The following CNOT3 variants were observed in gnomAD, a reference collection of about 807,000 sequenced individuals.
The protein encoded by CNOT3 is CCR4-associated factor 3.
A neutral mutation model predicts 89.4 loss-of-function variants in CNOT3; 2 were observed. The ratio of observed to expected loss-of-function variants is 0.02; its 90% CI spans 0.01 to 0.07. The LOEUF (loss-of-function observed/expected upper bound fraction) is 0.07. Ranked by LOEUF, CNOT3 falls within the 10% of genes least tolerant of loss-of-function variation. CNOT3 has a pLI of 1.00. For missense variants in CNOT3, 664 were observed against 1,010.2 expected, an observed-to-expected ratio of 0.66 and a Z score of 4.65; for synonymous variants, 486 against 402.0, an observed-to-expected ratio of 1.21 and a Z score of -2.50.
Position 54,148,082 on chromosome 19 carries a change from G to T in CNOT3, c.895-66G>T. 1.6e-6 allele frequency: 2 copies of T among 1,248,970 alleles called. No homozygotes were observed. Among genetic ancestry groups the T allele is most frequent in the South Asian group, 3.7e-5 (2 of 53,722 alleles). The allele number at this position is 1,248,970 out of a possible 1,614,324, so 77.4% of individuals were successfully genotyped here. ...TGCTGGGACAAAGATGGAGCCTGAG[G>T]TGGGGGTGGTGAGGGAGACCAGCTG... On this transcript the variant is annotated intron_variant, in intron 10 of 17. Transcript: ENST00000221232. This position sits in a 1 kb window ranked among gnomAD's most constrained non-coding sequence, Gnocchi z 6.3.
chr19:54,150,915 T>C (rs2075059360), intron 13 of CNOT3, among the ~76,000 whole-genome samples: 1 of 151,966 alleles, frequency 6.6e-6, no homozygotes. Flanking sequence ...CGCAGCCTAC[T>C]GAGTAGCTGG....
chr19:54,155,176 T>C (rs977092298), intron 17 of CNOT3, 133 bp from the exon 18 acceptor site: 29 of 942,958 alleles, frequency 3.1e-5, no homozygotes, highest in East Asian at 5.5e-5. Context: ...GATGAGAGTG[T>C]GTGCGTGCAG....
chr19:54,154,502 G>T, intron 17 of CNOT3: 1 of 179,316 alleles, frequency 5.6e-6, no homozygotes, highest in African/African-American at 2.4e-5. Context: ...GTACTTAATG[G>T]TGACTGCTAC....
Position 54,142,920 on chromosome 19 carries a change from T to G in CNOT3, c.-50-9T>G, listed in dbSNP as rs111692608. 1.4e-5 allele frequency: 22 copies of G among 1,570,668 alleles called. 1 individual carries two copies. In the African/African-American group the frequency reaches 1.8e-4, roughly 13 times the overall value. ...TACGTGTTAATTCCTCTCCAATCTC[T>G]CCTAGCAGCGTCCGTCTCCAAGAGA... is the stretch of plus-strand genomic sequence containing the variant. On this transcript the variant is annotated splice_polypyrimidine_tract_variant and intron_variant, in intron 1 of 17. Transcript: ENST00000221232.
rs1018080514 is a variant in CNOT3, at chr19:54,152,851, C to T, written c.1905-16C>T. ...CTAGTAGGCAGCTGGCACTGACCTT[C>T]CTGTTGCTCTCACAGGCAGTACCTC... On this transcript the variant is annotated splice_polypyrimidine_tract_variant and intron_variant, in intron 15 of 17. Coordinates refer to ENST00000221232, the MANE Select transcript of CNOT3 (RefSeq NM_014516.4). 4 of 1,311,476 alleles carry T rather than the reference C, an allele frequency of 3.1e-6. No homozygotes were observed. Among genetic ancestry groups the T allele is most frequent in the Middle Eastern group, 4.0e-4 (2 of 5,030 alleles). 81.2% of individuals were successfully genotyped at this position (1,311,476 alleles called of 1,614,324 possible).
At position 54,148,116 on chromosome 19, in the gene CNOT3, G is replaced by A. The variant is rs1043157433; in HGVS notation, c.895-32G>A. On this transcript the variant is annotated intron_variant, in intron 10 of 17. Coordinates refer to ENST00000221232, the MANE Select transcript of CNOT3 (RefSeq NM_014516.4). The surrounding 1 kb of genome is among the most constrained non-coding windows in gnomAD (Gnocchi z 6.3). ...GTGAGGGAGACCAGCTGGCCCACTG[G>A]GTCCTGACCCTCTGCTCTCTCCCAC... The A allele has an allele frequency of 3.6e-6, 5 of 1,396,238 alleles. No homozygotes were observed. In the East Asian group the frequency reaches 1.1e-4, roughly 32 times the overall value. 86.5% of individuals were successfully genotyped at this position (1,396,238 alleles called of 1,614,324 possible).
At chr19:54,147,235 G>T (rs887780290) in intron 10 of CNOT3, among the ~76,000 whole-genome samples, 1 of 152,250 alleles carries the variant, frequency 6.6e-6, no homozygotes, top group African/African-American at 2.4e-5. Context: ...CACGCTTTCG[G>T]AAACGCTGCT....
intron 1 of CNOT3, among the ~76,000 whole-genome samples, chr19:54,141,024 A>G (rs1358610459): frequency 1.3e-5 from 2 of 152,030 alleles, no homozygotes. Context: ...AGGGAGTGTA[A>G]ACTCTCGTTT....
At position 54,148,229 on chromosome 19, in the gene CNOT3, G is replaced by A. The variant is rs587645855; in HGVS notation, c.976G>A (p.Gly326Ser). 16 of 1,597,050 alleles carry A rather than the reference G, an allele frequency of 1.0e-5. No homozygotes were observed. The highest frequency in any genetic ancestry group is 4.5e-5 in the East Asian group (2 of 44,062). Reference sequence around the variant, plus strand: ...AGCTGTGCCGCCCACCTACCCCTCCGGCCCCCCGCCTGCTGCCTCTGCCTT... The same window carrying A: ...AGCTGTGCCGCCCACCTACCCCTCCAGCCCCCCGCCTGCTGCCTCTGCCTT... ...SPAVPPTYPSGPPPAASALST... is the reference protein window; with the variant it reads ...SPAVPPTYPSSPPPAASALST... Residue 326 changes from glycine (G) to serine (S), a missense_variant, in exon 11 of 18, where the codon GGC becomes AGC. Physicochemically the swap from Gly to Ser is moderately conservative, Grantham distance 56 (BLOSUM62 0). This residue lies in a region of CNOT3 where 545 missense variants were observed against 566.2 expected (regional missense o/e 0.96). Transcript: ENST00000221232. The surrounding 1 kb of genome is among the most constrained non-coding windows in gnomAD (Gnocchi z 6.3).
chr19:54,145,656 G>A lies in CNOT3; in HGVS notation c.542G>A (p.Arg181His), dbSNP rs1012509242. The A allele has an allele frequency of 8.1e-6, 13 of 1,613,692 alleles. No homozygotes were observed. The highest frequency in any genetic ancestry group is 1.0e-5 in the Non-Finnish European group (12 of 1,179,754). ...ATCGAGAAGCACCGCTACCACGTGC[G>A]CATGCTAGAGACCATCCTGCGCATG... is the stretch of plus-strand genomic sequence containing the variant. ...RHIEKHRYHVRMLETILRMLD... is the reference protein window; with the variant it reads ...RHIEKHRYHVHMLETILRMLD... Residue 181 changes from arginine to histidine, a missense_variant, in exon 8 of 18, where the codon CGC becomes CAC. Coordinates refer to ENST00000221232, the MANE Select transcript of CNOT3 (RefSeq NM_014516.4). The surrounding 1 kb of genome is among the most constrained non-coding windows in gnomAD (Gnocchi z 5.9).
chr19:54,144,203 G>T lies in CNOT3; in HGVS notation c.388-34G>T, dbSNP rs1476253123. ...AGCCCTGGGTGTAGGCGGAACCCTA[G>T]CTGATGGGCTTCCTCTTCCTCTCCC... On this transcript the variant is annotated intron_variant, in intron 6 of 17. Coordinates refer to ENST00000221232, the MANE Select transcript of CNOT3 (RefSeq NM_014516.4). The surrounding 1 kb of genome is among the most constrained non-coding windows in gnomAD (Gnocchi z 4.8). 1 of 1,613,360 alleles carries T rather than the reference G, an allele frequency of 6.2e-7. No homozygotes were observed. The highest frequency in any genetic ancestry group is 1.3e-5 in the African/African-American group (1 of 74,850).
chr19:54,153,010 G>GC lies in CNOT3; in HGVS notation c.2037+16dup. 2 of 1,598,094 alleles carry GC rather than the reference G, an allele frequency of 1.3e-6. No individual in the cohort carries two copies. The highest frequency in any genetic ancestry group is 1.7e-6 in the Non-Finnish European group (2 of 1,168,596). ...TTCTACTATCTGGAGGTACAGCAGG[G>GC]CCCCCGGGGCAGCCTCGGGCCCCCC... On this transcript the variant is annotated intron_variant, in intron 16 of 17. Coordinates refer to ENST00000221232, the MANE Select transcript of CNOT3 (RefSeq NM_014516.4).
At position 54,145,530 on chromosome 19, in the gene CNOT3, C is replaced by G. The variant is rs1224037446; in HGVS notation, c.484-68C>G. The G allele has an allele frequency of 9.2e-7, 1 of 1,090,570 alleles. No individual in the cohort carries two copies. The highest frequency in any genetic ancestry group is 1.4e-6 in the Non-Finnish European group (1 of 716,768). 67.6% of individuals were successfully genotyped at this position (1,090,570 alleles called of 1,614,324 possible). On this transcript the variant is annotated intron_variant, in intron 7 of 17. Coordinates refer to ENST00000221232, the MANE Select transcript of CNOT3 (RefSeq NM_014516.4). This position sits in a 1 kb window ranked among gnomAD's most constrained non-coding sequence, Gnocchi z 5.9. The stretch of plus-strand genomic sequence containing the variant: ...AGGGGTCAGGGACTGAGGACAGGTT[C>G]TGTGGGGGCAGGAGGGGCCAAGCAG...
intron 16 of CNOT3, 25 bp from the exon 17 acceptor site, chr19:54,153,690 C>T (rs1457137205): frequency 6.2e-7 from 1 of 1,609,636 alleles, no homozygotes; most frequent in Non-Finnish European, 8.5e-7. Flanking sequence ...CCCCCTGATC[C>T]CCCTCTCCAC....
rs2146587630 is a variant in CNOT3 at position 54,145,084 on chromosome 19, G to A, written c.484-514G>A. Among the ~76,000 whole-genome samples, 1 of 152,232 alleles carries A rather than the reference G, an allele frequency of 6.6e-6. No homozygotes were observed. On this transcript the variant is annotated intron_variant, in intron 7 of 17. Coordinates refer to ENST00000221232, the MANE Select transcript of CNOT3 (RefSeq NM_014516.4). This position sits in a 1 kb window ranked among gnomAD's most constrained non-coding sequence, Gnocchi z 5.9. ...GGGGCCTTGAGGGGAGGGCAGGAGC[G>A]AGGCTTAGGAATCTGGGCTCTCTCA... is the stretch of plus-strand genomic sequence containing the variant.
At position 54,144,831 on chromosome 19, in the gene CNOT3, A is replaced by G. The variant is rs1399303277; in HGVS notation, c.483+499A>G. On this transcript the variant is annotated intron_variant, in intron 7 of 17. Transcript: ENST00000221232. The surrounding 1 kb of genome is among the most constrained non-coding windows in gnomAD (Gnocchi z 4.8). ...GTTCTAAAATCCGGGATTGTGGGGT[A>G]TGAGTTCAAAGGGATACAAACTGTA... 6.6e-6 allele frequency among the ~76,000 whole-genome samples: 1 copy of G among 152,120 alleles called. No homozygotes were observed. Among genetic ancestry groups the G allele is most frequent in the African/African-American group, 2.4e-5 (1 of 41,404 alleles).
Position 54,145,536 on chromosome 19 carries a change from G to A in CNOT3, c.484-62G>A. 8.7e-7 allele frequency: 1 copy of A among 1,147,990 alleles called. No individual in the cohort carries two copies. The highest frequency in any genetic ancestry group is 1.3e-6 in the Non-Finnish European group (1 of 766,620). The allele number at this position is 1,147,990 out of a possible 1,614,324, so 71.1% of individuals were successfully genotyped here. A position where few individuals can be genotyped will look rare whatever the true frequency, so the allele number is the denominator to read the frequency against. ...CAGGGACTGAGGACAGGTTCTGTGG[G>A]GGCAGGAGGGGCCAAGCAGGTGCTC... On this transcript the variant is annotated intron_variant, in intron 7 of 17. Coordinates refer to ENST00000221232, the MANE Select transcript of CNOT3 (RefSeq NM_014516.4). The surrounding 1 kb of genome is among the most constrained non-coding windows in gnomAD (Gnocchi z 5.9).
intron 16 of CNOT3, 197 bp from the exon 17 acceptor site, chr19:54,153,518 C>T (rs2075256782): frequency 1.3e-6 from 1 of 778,624 alleles, no homozygotes; most frequent in East Asian, 2.4e-5. Context: ...GCAATTTTCA[C>T]CTCCTGTCTC....
In CNOT3 at chr19:54,144,478, GAGAC is replaced by G. The variant is rs1416744926; in HGVS notation, c.483+149_483+152del. The G allele has an allele frequency of 1.5e-6, 1 of 670,062 alleles. No individual in the cohort carries two copies. The highest frequency in any genetic ancestry group is 2.7e-5 in the East Asian group (1 of 36,832). The allele number at this position is 670,062 out of a possible 1,614,324, so 41.5% of individuals were successfully genotyped here. A position where few individuals can be genotyped will look rare whatever the true frequency, so the allele number is the denominator to read the frequency against. On this transcript the variant is annotated intron_variant, in intron 7 of 17. Coordinates refer to ENST00000221232, the MANE Select transcript of CNOT3 (RefSeq NM_014516.4). The surrounding 1 kb of genome is among the most constrained non-coding windows in gnomAD (Gnocchi z 4.8). Reference sequence around the variant, plus strand: ...CCAACAGCCGGGATTAGGGATTTGAGAGACAGGATTGGGAGGGCTTAGCAGCTGC... The same window carrying G: ...CCAACAGCCGGGATTAGGGATTTGAGAGGATTGGGAGGGCTTAGCAGCTGC...
Sources: gnomAD v4.1 joint callset for allele counts (sites outside exome capture counted in the v4.1 genomes callset) on GRCh38, gnomAD v4.1.1 for gene constraint, gnomAD v4.1.1 regional missense constraint, Gnocchi (gnomAD v3.1) non-coding constraint, MANE v1.5 for transcripts, NCBI Gene and HGNC (gene_info 2026-07-23, HGNC 2026-07-21) for gene names.